The following ZC3H3 variants were observed in gnomAD, a reference collection of about 807,000 sequenced individuals.
ZC3H3 encodes the protein zinc finger CCCH domain-containing protein 3.
ZC3H3 carries 36 observed loss-of-function variants against 77.3 expected under a neutral mutation model. The observed-to-expected ratio is 0.47, with a 90% CI of 0.36 to 0.61. ZC3H3 has a LOEUF of 0.61. Ranked by LOEUF, ZC3H3 falls within the 20% of genes least tolerant of loss-of-function variation. ZC3H3 has a pLI of 0.00. For synonymous variants in ZC3H3, 626 were observed against 555.2 expected, an observed-to-expected ratio of 1.13 and a Z score of -1.79; for missense variants, 1,331 against 1,312.2, an observed-to-expected ratio of 1.01 and a Z score of -0.22.
intron 8 of ZC3H3, 114 bp from the exon 9 acceptor site, chr8:143,465,962 CAGCA>C: frequency 2.8e-6 from 4 of 1,413,724 alleles, no homozygotes; most frequent in Non-Finnish European, 3.8e-6. Context: ...CACGCGGCAC[CAGCA>C]GGCAGGAAGG....
intron 4 of ZC3H3, among the ~76,000 whole-genome samples, chr8:143,483,250 C>T (rs1820956253): frequency 6.6e-6 from 1 of 152,224 alleles, no homozygotes; most frequent in South Asian, 2.1e-4. Context: ...ACGCTGACAC[C>T]CCCATCACCG....
chr8:143,469,237 C>T (rs947124092), intron 5 of ZC3H3, among the ~76,000 whole-genome samples: 1 of 152,208 alleles, frequency 6.6e-6, no homozygotes, highest in Non-Finnish European at 1.5e-5. Flanking sequence ...GCTGGCAGGA[C>T]CCGCGGGGTC....
In ZC3H3 at chr8:143,438,032, G is replaced by T; in HGVS notation, c.*24C>A. The T allele has an allele frequency of 6.2e-7, 1 of 1,607,910 alleles. No homozygotes were observed. The highest frequency in any genetic ancestry group is 8.5e-7 in the Non-Finnish European group (1 of 1,177,450). ...TCTCCAAGGATGAGGGTCTGAGGTA[G>T]GTGCAGGCCGGTCCCTGGGGTCCTC... is the stretch of plus-strand genomic sequence containing the variant. On this transcript the variant is annotated 3_prime_UTR_variant, in exon 12 of 12. Transcript: ENST00000262577.
intron 4 of ZC3H3, chr8:143,484,350 G>C (rs566040590): frequency 1.3e-5 from 2 of 152,278 alleles, no homozygotes; most frequent in Non-Finnish European, 2.9e-5. Flanking sequence ...CACTGCCTCC[G>C]TTACAAACGT....
At chr8:143,468,141 C>T in intron 8 of ZC3H3, 68 bp downstream of exon 8, 2 of 1,563,048 alleles carry the variant, frequency 1.3e-6, no homozygotes, top group Non-Finnish European at 8.7e-7. Context: ...CACCATCTGC[C>T]CGGAGGCCAG....
intron 2 of ZC3H3, 148 bp from the exon 3 acceptor site, chr8:143,536,601 A>G: frequency 1.2e-6 from 1 of 829,350 alleles, no homozygotes. Context: ...TGCCTCCCTC[A>G]GCCCATGGCG....
In ZC3H3 at chr8:143,493,675, T is replaced by C. The variant is rs1014811389; in HGVS notation, c.1715+14071A>G. 4.6e-5 allele frequency among the ~76,000 whole-genome samples: 7 copies of C among 152,232 alleles called. No individual in the cohort carries two copies. The highest frequency in any genetic ancestry group is 1.4e-4 in the African/African-American group (6 of 41,454). On this transcript the variant is annotated intron_variant, in intron 4 of 11. Coordinates refer to ENST00000262577, the MANE Select transcript of ZC3H3 (RefSeq NM_015117.3). The surrounding 1 kb of genome is among the most constrained non-coding windows in gnomAD (Gnocchi z 4.8). ...TGCATCCATGCTGTCAAGCCCCTGCTAGCAGCTTCTGTGGCACCTTCCGTG... is the reference window on the plus strand; with the variant it reads ...TGCATCCATGCTGTCAAGCCCCTGCCAGCAGCTTCTGTGGCACCTTCCGTG...
At chr8:143,537,882 C>T in intron 2 of ZC3H3, 121 bp downstream of exon 2, 1 of 1,101,004 alleles carries the variant, frequency 9.1e-7, no homozygotes, top group South Asian at 1.5e-5. Context: ...TGCCTCATTT[C>T]TTGCTGGAAA....
chr8:143,467,891 T>C (rs1421341861), intron 8 of ZC3H3, among the ~76,000 whole-genome samples: 1 of 151,946 alleles, frequency 6.6e-6, no homozygotes, highest in Non-Finnish European at 1.5e-5. Flanking sequence ...CAGGGGCACC[T>C]GTGGGACCAC....
intron 4 of ZC3H3, among the ~76,000 whole-genome samples, chr8:143,481,372 C>G (rs747169174): frequency 2.0e-5 from 3 of 152,232 alleles, no homozygotes; most frequent in Non-Finnish European, 4.4e-5. Flanking sequence ...GTTCCCATGC[C>G]AGCCTCGGTG....
intron 3 of ZC3H3, among the ~76,000 whole-genome samples, chr8:143,521,099 C>A (rs1203263772): frequency 1.3e-5 from 2 of 152,120 alleles, no homozygotes; most frequent in Non-Finnish European, 2.9e-5. Flanking sequence ...CCCGGCCCCG[C>A]CACAGCCCCT....
At chr8:143,501,267 C>T (rs536509562) in intron 4 of ZC3H3, among the ~76,000 whole-genome samples, 1 of 152,268 alleles carries the variant, frequency 6.6e-6, no homozygotes, top group South Asian at 2.1e-4. Context: ...GTGGCATGAT[C>T]ATGGCTCACT....
chr8:143,478,233 C>T (rs1586905289), intron 4 of ZC3H3, among the ~76,000 whole-genome samples: 1 of 152,224 alleles, frequency 6.6e-6, no homozygotes, highest in African/African-American at 2.4e-5. Context: ...CTGAGGCTCA[C>T]ATGGGGACAG....
Position 143,539,135 on chromosome 8 carries a change from T to G in ZC3H3, c.232A>C (p.Asn78His), listed in dbSNP as rs767655657. Residue 78 changes from asparagine to histidine, a missense_variant, in exon 2 of 12, where the codon AAT (asparagine) becomes CAT (histidine). Physicochemically the swap from Asn to His is moderately conservative, Grantham distance 68. Around this residue, in one of 3 missense-constraint regions of ZC3H3, gnomAD observed 978 missense variants for 915.5 expected, o/e 1.07. Coordinates refer to ENST00000262577, the MANE Select transcript of ZC3H3 (RefSeq NM_015117.3). The part of the protein sequence containing the change: ...PSWRKKYSLV[N>H]RPPGPSDPPA... The stretch of plus-strand genomic sequence containing the variant: ...GGGTCTGAGGGTCCCGGGGGCCGAT[T>G]CACGAGGGAGTATTTCTTGCGCCAC... 1 of 1,612,944 alleles carries G rather than the reference T, an allele frequency of 6.2e-7. No individual in the cohort carries two copies. The highest frequency in any genetic ancestry group is 1.1e-5 in the South Asian group (1 of 91,086).
At chr8:143,459,188 C>T (rs1168437756) in intron 9 of ZC3H3, among the ~76,000 whole-genome samples, 1 of 152,202 alleles carries the variant, frequency 6.6e-6, no homozygotes, top group Non-Finnish European at 1.5e-5. Flanking sequence ...AAACTACCAA[C>T]CAATATATTT....
At chr8:143,468,176 G>A in intron 8 of ZC3H3, 33 bp downstream of exon 8, 2 of 1,598,832 alleles carry the variant, frequency 1.3e-6, no homozygotes, top group Non-Finnish European at 1.7e-6. Context: ...GGAGAAAGGT[G>A]CACGGGAGCA....
chr8:143,538,349 C>G lies in ZC3H3; in HGVS notation c.1018G>C (p.Ala340Pro), dbSNP rs755390780. The G allele has an allele frequency of 6.2e-7, 1 of 1,613,026 alleles. No homozygotes were observed. Among genetic ancestry groups the G allele is most frequent in the Admixed American group, 1.7e-5 (1 of 60,030 alleles). Residue 340 changes from alanine to proline, a missense_variant, in exon 2 of 12, where the codon GCC (alanine) becomes CCC (proline). Physicochemically the swap from Ala to Pro is conservative, Grantham distance 27. Transcript: ENST00000262577. ...ACCTTGTTTGCCATGCCAGCAGAGG[C>G]CTTGCACACATTCTCTGCAGCCACT... ...PRVAAENVCK[A>P]SAGMANKVEK...
At chr8:143,500,436 C>A (rs1821490481) in intron 4 of ZC3H3, among the ~76,000 whole-genome samples, 1 of 152,268 alleles carries the variant, frequency 6.6e-6, no homozygotes, top group African/African-American at 2.4e-5. Context: ...CTGAGCAGAG[C>A]ATCTGCACAC....
At position 143,462,775 on chromosome 8, in the gene ZC3H3, G is replaced by A. The variant is rs980495130; in HGVS notation, c.2307+2942C>T. Among the ~76,000 whole-genome samples the A allele has an allele frequency of 1.1e-4, 17 of 152,228 alleles. No individual in the cohort carries two copies. The highest frequency in any genetic ancestry group is 2.7e-4 in the African/African-American group (11 of 41,460). On this transcript the variant is annotated intron_variant, in intron 9 of 11. Transcript: ENST00000262577. The surrounding 1 kb of genome is among the most constrained non-coding windows in gnomAD (Gnocchi z 4.7). ...GCAGGAGCTCTCAATGCAGAGGTGGGGATGGAGTCACTGTCACCCCTGCAC... is the reference window on the plus strand; with the variant it reads ...GCAGGAGCTCTCAATGCAGAGGTGGAGATGGAGTCACTGTCACCCCTGCAC...
Sources: allele counts gnomAD v4.1 joint callset (sites outside exome capture counted in the v4.1 genomes callset), GRCh38; gene constraint gnomAD v4.1.1; regional missense constraint gnomAD v4.1.1; non-coding constraint Gnocchi (gnomAD v3.1); transcripts MANE v1.5; gene names NCBI Gene and HGNC (gene_info 2026-07-23, HGNC 2026-07-21).